The following PLCB1 variants were observed in gnomAD, a reference collection of about 807,000 sequenced individuals.
The protein encoded by PLCB1 is phospholipase C beta 1.
In PLCB1, 46 loss-of-function variants were observed where a neutral mutation model predicts 161.8. The observed-to-expected ratio is 0.28, with a 90% CI of 0.22 to 0.36. PLCB1 has a LOEUF of 0.36. PLCB1 is among the 10% of genes least tolerant of loss of function. The probability of loss-of-function intolerance (pLI) is 1.00; values close to 1 mark genes in which losing one functional copy is unlikely to be tolerated. For missense variants in PLCB1, 1,016 were observed against 1,472.5 expected (o/e 0.69, Z 5.07); for synonymous variants, 517 against 503.7 (o/e 1.03, Z -0.35).
In PLCB1 at chr20:8,548,358, C is replaced by G. The variant is rs143720030; in HGVS notation, c.247-79936C>G. Among the ~76,000 whole-genome samples, 565 of 141,810 alleles carry G rather than the reference C, an allele frequency of 4.0e-3. 3 individuals are homozygous for G. The highest frequency in any genetic ancestry group is 0.014 in the African/African-American group (539 of 38,250). 93.0% of individuals were successfully genotyped at this position (141,810 alleles called of 152,430 possible). The stretch of plus-strand genomic sequence containing the variant: ...CTCTTTGTTTCTTTCTTTCTTTTGT[C>G]TCTCTCCTTCTTTCCTTCCTTCCTC... On this transcript the variant is annotated intron_variant, in intron 3 of 31. Coordinates refer to ENST00000338037, the MANE Select transcript of PLCB1 (RefSeq NM_015192.4).
At chr20:8,438,534 A>G (rs1032464335) in intron 3 of PLCB1, among the ~76,000 whole-genome samples, 9 of 152,166 alleles carry the variant, frequency 5.9e-5, no homozygotes, top group African/African-American at 2.2e-4. Context: ...GGAAACATAT[A>G]CCATCTCTAA....
intron 2 of PLCB1, among the ~76,000 whole-genome samples, chr20:8,287,527 G>A (rs1395698238): frequency 6.6e-6 from 1 of 152,100 alleles, no homozygotes; most frequent in African/African-American, 2.4e-5. Flanking sequence ...ATTCCTACAG[G>A]GCTGGAAAGC....
intron 3 of PLCB1, among the ~76,000 whole-genome samples, chr20:8,378,697 G>T (rs1396619504): frequency 6.6e-6 from 1 of 152,162 alleles, no homozygotes; most frequent in Non-Finnish European, 1.5e-5. Context: ...TTGCATGAAA[G>T]ATTTTTCTGT....
At chr20:8,567,730 A>G (rs1234494003) in intron 3 of PLCB1, among the ~76,000 whole-genome samples, 1 of 152,028 alleles carries the variant, frequency 6.6e-6, no homozygotes, top group Non-Finnish European at 1.5e-5. Context: ...CAAGACTCCA[A>G]CTCTAAAACA....
intron 1 of PLCB1, among the ~76,000 whole-genome samples, chr20:8,144,364 C>T (rs530022277): frequency 6.6e-6 from 1 of 152,162 alleles, no homozygotes; most frequent in Admixed American, 6.5e-5. Flanking sequence ...TTGCACGACA[C>T]TTGAAGAACA....
chr20:8,871,510 T>G (rs1424592792), intron 31 of PLCB1, among the ~76,000 whole-genome samples: 2 of 152,206 alleles, frequency 1.3e-5, no homozygotes, highest in Non-Finnish European at 2.9e-5. Context: ...GCATCCACAG[T>G]CCATCTTGTG....
intron 2 of PLCB1, among the ~76,000 whole-genome samples, chr20:8,199,704 T>G (rs2123123554): frequency 6.6e-6 from 1 of 152,296 alleles, no homozygotes; most frequent in Non-Finnish European, 1.5e-5. Context: ...AACTTATCTT[T>G]TAACTTTATT....
At chr20:8,452,601 A>G (rs1023077093) in intron 3 of PLCB1, among the ~76,000 whole-genome samples, 2 of 152,224 alleles carry the variant, frequency 1.3e-5, no homozygotes, top group African/African-American at 2.4e-5. Context: ...AAAACAAATA[A>G]TGATTTGTGT....
intron 1 of PLCB1, among the ~76,000 whole-genome samples, chr20:8,143,856 A>G (rs535296991): frequency 3.3e-4 from 51 of 152,316 alleles, no homozygotes; most frequent in African/African-American, 1.0e-3. Context: ...CATTAAAACC[A>G]TGTTTTCAAC....
intron 9 of PLCB1, among the ~76,000 whole-genome samples, chr20:8,681,003 C>T (rs1990194436): frequency 6.8e-6 from 1 of 147,822 alleles, no homozygotes; most frequent in Non-Finnish European, 1.5e-5. Flanking sequence ...CAAATACATA[C>T]ATACAAACAC....
chr20:8,832,294 C>T (rs1294047772), intron 31 of PLCB1, among the ~76,000 whole-genome samples: 1 of 151,092 alleles, frequency 6.6e-6, no homozygotes, highest in Non-Finnish European at 1.5e-5. Context: ...TTTATACTTA[C>T]TCAGGGAACT....
chr20:8,663,212 T>A (rs1989729236), intron 9 of PLCB1, among the ~76,000 whole-genome samples: 1 of 151,866 alleles, frequency 6.6e-6, no homozygotes, highest in Non-Finnish European at 1.5e-5. Context: ...AACATAGATA[T>A]ACACACAACA....
At position 8,516,709 on chromosome 20, in the gene PLCB1, ATG is replaced by A. The variant is rs1285500234; in HGVS notation, c.247-111583_247-111582del. ...TATATATATATATATATATATATAT[ATG>A]TATTCCATTTTGATGCTATATACTA... is the stretch of plus-strand genomic sequence containing the variant. On this transcript the variant is annotated intron_variant, in intron 3 of 31. Coordinates refer to ENST00000338037, the MANE Select transcript of PLCB1 (RefSeq NM_015192.4). Among the ~76,000 whole-genome samples, 213 of 70,922 alleles carry A rather than the reference ATG, an allele frequency of 3.0e-3. 2 individuals are homozygous for A. Among genetic ancestry groups the A allele is most frequent in the Admixed American group, 3.3e-3 (20 of 6,062 alleles). The allele number at this position is 70,922 out of a possible 152,430, so 46.5% of individuals were successfully genotyped here. A position where few individuals can be genotyped will look rare whatever the true frequency, so the allele number is the denominator to read the frequency against.
chr20:8,282,799 T>C (rs550338066), intron 2 of PLCB1, among the ~76,000 whole-genome samples: 1 of 151,314 alleles, frequency 6.6e-6, no homozygotes, highest in African/African-American at 2.4e-5. Flanking sequence ...TACTTCTTTT[T>C]CTTTTAATAC....
intron 11 of PLCB1, among the ~76,000 whole-genome samples, chr20:8,705,306 TAGA>T (rs1429414359): frequency 2.0e-5 from 3 of 152,280 alleles, no homozygotes; most frequent in Admixed American, 6.5e-5. Flanking sequence ...AGCTAGTCAA[TAGA>T]AGAATAAATG....
chr20:8,739,861 ACAAGT>A (rs1980779763), intron 21 of PLCB1, among the ~76,000 whole-genome samples: 1 of 152,210 alleles, frequency 6.6e-6, no homozygotes, highest in Non-Finnish European at 1.5e-5. Flanking sequence ...GAGCTTAAGC[ACAAGT>A]CAAGAAATCA....
intron 2 of PLCB1, among the ~76,000 whole-genome samples, chr20:8,177,864 C>T (rs1045356070): frequency 6.6e-6 from 1 of 151,950 alleles, no homozygotes; most frequent in Non-Finnish European, 1.5e-5. Flanking sequence ...CAGGTAGGTC[C>T]CGGTGTCTAT....
chr20:8,872,311 G>C (rs1987636277), intron 31 of PLCB1, among the ~76,000 whole-genome samples: 1 of 152,104 alleles, frequency 6.6e-6, no homozygotes, highest in Admixed American at 6.6e-5. Context: ...TTCTACATTG[G>C]CATGGACTAT....
chr20:8,320,663 C>T (rs180923086), intron 2 of PLCB1, among the ~76,000 whole-genome samples: 53 of 152,256 alleles, frequency 3.5e-4, no homozygotes, highest in African/African-American at 1.3e-3. Context: ...GTTTTTCATC[C>T]TTCTCTGGCT....
Sources: gnomAD v4.1 joint callset for allele counts (sites outside exome capture counted in the v4.1 genomes callset) on GRCh38, gnomAD v4.1.1 for gene constraint, MANE v1.5 for transcripts, NCBI Gene and HGNC (gene_info 2026-07-23, HGNC 2026-07-21) for gene names.